SLC30A7: variants seen among roughly 807,000 people sequenced by gnomAD.
SLC30A7 encodes the protein solute carrier family 30 member 7, also known as zinc transporter 7.
Under a neutral mutation model 46.0 loss-of-function variants are expected in SLC30A7, and 35 were observed. That is an observed-to-expected ratio of 0.76 (90% CI 0.58 to 1.01). The LOEUF (loss-of-function observed/expected upper bound fraction) is 1.01. Ranked by LOEUF, SLC30A7 falls within the 50% of genes least tolerant of loss-of-function variation. The pLI is 0.00. For missense variants in SLC30A7, 464 were observed against 451.1 expected, an observed-to-expected ratio of 1.03 and a Z score of -0.26; for synonymous variants, 147 against 157.8, an observed-to-expected ratio of 0.93 and a Z score of 0.51.
intron 8 of SLC30A7, among the ~76,000 whole-genome samples, chr1:100,957,643 G>T (rs557818917): frequency 3.9e-5 from 6 of 152,226 alleles, no homozygotes; most frequent in African/African-American, 1.4e-4. Context: ...TAATTTTCAC[G>T]TCAGATATCT....
At chr1:100,994,286 A>C in the SLC30A7 span, among the ~76,000 whole-genome samples, 2 of 152,160 alleles carry the variant, frequency 1.3e-5, no homozygotes. Context: ...CATACTTAAA[A>C]GTTTTCCAAT....
chr1:100,922,022 C>A (rs545796596), intron 8 of SLC30A7, among the ~76,000 whole-genome samples, 181 bp downstream of exon 8: 30 of 145,976 alleles, frequency 2.1e-4, no homozygotes, highest in African/African-American at 7.4e-4. Context: ...GGCACTGTCT[C>A]GGCTCATAGC....
the SLC30A7 span, among the ~76,000 whole-genome samples, chr1:100,993,559 A>AATATATATATATATATAT: frequency 4.4e-3 from 248 of 56,440 alleles, 12 homozygotes; most frequent in Middle Eastern, 0.013. Context: ...CGAAAATATA[A>AATATATATATATATATAT]ATATATATAT....
Position 100,913,874 on chromosome 1 carries a change from A to G in SLC30A7, c.655+68A>G, listed in dbSNP as rs1405573510. The stretch of plus-strand genomic sequence containing the variant: ...AAGAGTTTTGTGGATTACTTTTCCT[A>G]GTTGAAATAGTTTATTAAAAAGATA... On this transcript the variant is annotated intron_variant, in intron 6 of 10. Transcript: ENST00000357650. 7.1e-6 allele frequency: 11 copies of G among 1,551,848 alleles called. No individual in the cohort carries two copies. The South Asian group carries it at 1.1e-4, about 16-fold the overall frequency.
At chr1:100,944,159 C>G (rs1006303715) in intron 8 of SLC30A7, among the ~76,000 whole-genome samples, 1 of 152,162 alleles carries the variant, frequency 6.6e-6, no homozygotes, top group Non-Finnish European at 1.5e-5. Context: ...AGCCATCCTC[C>G]TACTTCAGCC....
intron 8 of SLC30A7, among the ~76,000 whole-genome samples, chr1:100,954,628 A>G (rs1655132078): frequency 6.6e-6 from 1 of 152,060 alleles, no homozygotes; most frequent in Non-Finnish European, 1.5e-5. Context: ...TATCCCCATT[A>G]TTGGTAAAGC....
chr1:100,979,603 C>T lies in SLC30A7; in HGVS notation c.*4746C>T, dbSNP rs960604549. On this transcript the variant is annotated 3_prime_UTR_variant, in exon 11 of 11. Coordinates refer to ENST00000357650, the MANE Select transcript of SLC30A7 (RefSeq NM_133496.5). ...TTTTATTAAGTATTTATGTGCCAGG[C>T]GGTTAGTGTGGCCTTCATGTTATTA... 4 of 152,106 alleles carry T rather than the reference C, an allele frequency of 2.6e-5. No individual in the cohort carries two copies. The highest frequency in any genetic ancestry group is 3.9e-4 in the East Asian group (2 of 5,186). 9.4% of individuals were successfully genotyped at this position (152,106 alleles called of 1,614,324 possible). A position where few individuals can be genotyped will look rare whatever the true frequency, so the allele number is the denominator to read the frequency against.
At chr1:100,964,245 AT>A (rs1655708070) in intron 9 of SLC30A7, among the ~76,000 whole-genome samples, 1 of 90,240 alleles carries the variant, frequency 1.1e-5, no homozygotes. Flanking sequence ...ATATATGTAT[AT>A]GTATATATAC....
At chr1:100,945,418 AG>A (rs1182243131) in intron 8 of SLC30A7, among the ~76,000 whole-genome samples, 1 of 152,156 alleles carries the variant, frequency 6.6e-6, no homozygotes. Context: ...TTATGGTTTT[AG>A]GTCTAACATT....
chr1:100,961,416 AT>A (rs1341374967), intron 8 of SLC30A7, among the ~76,000 whole-genome samples: 4 of 152,110 alleles, frequency 2.6e-5, no homozygotes, highest in Admixed American at 6.5e-5. Context: ...AGGCTTCTAT[AT>A]TTTTTAAGTA....
intron 6 of SLC30A7, among the ~76,000 whole-genome samples, chr1:100,915,240 T>G (rs545953005): frequency 1.4e-5 from 2 of 146,476 alleles, no homozygotes. Flanking sequence ...TTTCTTTCTT[T>G]CTTTCTTTCT....
chr1:100,918,394 C>T (rs1421588296), intron 7 of SLC30A7, among the ~76,000 whole-genome samples: 1 of 152,180 alleles, frequency 6.6e-6, no homozygotes, highest in Non-Finnish European at 1.5e-5. Flanking sequence ...ATCCCAGCTA[C>T]TCAGGAGAAT....
chr1:100,898,196 T>G (rs1651091579), intron 2 of SLC30A7, among the ~76,000 whole-genome samples: 2 of 151,400 alleles, frequency 1.3e-5, no homozygotes, highest in African/African-American at 4.9e-5. Flanking sequence ...TAGTTTCTAT[T>G]GCAGTGTTTC....
At chr1:100,927,818 T>G (rs1653403803) in intron 8 of SLC30A7, among the ~76,000 whole-genome samples, 1 of 152,082 alleles carries the variant, frequency 6.6e-6, no homozygotes, top group African/African-American at 2.4e-5. Context: ...TTAGGTTCAG[T>G]GGTCTAATCC....
downstream of SLC30A7, among the ~76,000 whole-genome samples, chr1:100,982,401 A>C (rs184570711): frequency 6.6e-6 from 1 of 152,318 alleles, no homozygotes; most frequent in Admixed American, 6.5e-5. Flanking sequence ...CTTCAAGGCC[A>C]TCAGTGGCTT....
intron 6 of SLC30A7, among the ~76,000 whole-genome samples, chr1:100,915,248 T>TCTTC (rs1491121154): frequency 2.9e-4 from 40 of 137,434 alleles, no homozygotes; most frequent in Non-Finnish European, 5.2e-4. Context: ...TTTCTTTCTT[T>TCTTC]CTTTCTTCCT....
chr1:100,918,317 G>A (rs1232798471), intron 7 of SLC30A7, among the ~76,000 whole-genome samples, 190 bp downstream of exon 7: 3 of 152,148 alleles, frequency 2.0e-5, no homozygotes, highest in Non-Finnish European at 4.4e-5. Context: ...ATTGTCACTT[G>A]ACTGTTTTCT....
At chr1:100,921,493 A>G (rs1479891430) in intron 7 of SLC30A7, among the ~76,000 whole-genome samples, 2 of 152,200 alleles carry the variant, frequency 1.3e-5, no homozygotes, top group Non-Finnish European at 2.9e-5. Context: ...CCAGTCAGAT[A>G]TTTCAACCCC....
chr1:100,961,790 A>C (rs368329855), intron 8 of SLC30A7, 38 bp from the exon 9 acceptor site: 2 of 1,304,312 alleles, frequency 1.5e-6, no homozygotes, highest in South Asian at 2.5e-5. Context: ...GATTAGCAGA[A>C]TGTGACTTTA....
Sources: allele counts gnomAD v4.1 joint callset (sites outside exome capture counted in the v4.1 genomes callset), GRCh38; gene constraint gnomAD v4.1.1; transcripts MANE v1.5; gene names NCBI Gene and HGNC (gene_info 2026-07-23, HGNC 2026-07-21).